The following WDR25 variants were observed in gnomAD, a reference collection of about 807,000 sequenced individuals.
WDR25 encodes the protein WD repeat-containing protein 25.
WDR25 carries 35 observed loss-of-function variants against 47.7 expected under a neutral mutation model. The ratio of observed to expected loss-of-function variants is 0.73; its 90% CI spans 0.56 to 0.97. The LOEUF is 0.97. Among genes scored for constraint, WDR25 ranks in the 50% least tolerant of loss-of-function variants. The pLI, the probability that WDR25 is intolerant of heterozygous loss-of-function variation, is 0.00. For missense variants in WDR25, 634 were observed against 704.7 expected, an observed-to-expected ratio of 0.90 and a Z score of 1.14; for synonymous variants, 248 against 278.9, an observed-to-expected ratio of 0.89 and a Z score of 1.10.
chr14:100,521,732 T>C (rs2029881510), intron 4 of WDR25, among the ~76,000 whole-genome samples: 1 of 152,218 alleles, frequency 6.6e-6, no homozygotes, highest in South Asian at 2.1e-4. Context: ...TGTGCTTATA[T>C]CTCTTTGGGA....
chr14:100,528,704 G>T (rs901838793), intron 5 of WDR25, among the ~76,000 whole-genome samples: 6 of 152,168 alleles, frequency 3.9e-5, no homozygotes, highest in African/African-American at 9.7e-5. Context: ...ACAGGTTTCA[G>T]GAATTAGAAC....
chr14:100,418,808 C>T lies in WDR25; in HGVS notation c.822+37062C>T, dbSNP rs182517346. On this transcript the variant is annotated intron_variant, in intron 2 of 6. Coordinates refer to ENST00000402312, the MANE Select transcript of WDR25 (RefSeq NM_001161476.3). ...CACGCCACACCTACTCCGGGAGGGA[C>T]CTGGCATTGGACTCAGGTTGCCAGG... 3.9e-3 allele frequency among the ~76,000 whole-genome samples: 598 copies of T among 152,068 alleles called. 2 individuals are homozygous for T. The highest frequency in any genetic ancestry group is 0.014 in the Middle Eastern group (4 of 294).
chr14:100,423,804 G>C (rs964202929), intron 2 of WDR25, among the ~76,000 whole-genome samples: 3 of 152,202 alleles, frequency 2.0e-5, no homozygotes, highest in Non-Finnish European at 4.4e-5. Flanking sequence ...ATGAGATCTT[G>C]TCTGTGCACT....
chr14:100,503,411 G>A (rs1280748658), intron 4 of WDR25, among the ~76,000 whole-genome samples: 2 of 152,138 alleles, frequency 1.3e-5, no homozygotes, highest in Non-Finnish European at 2.9e-5. Flanking sequence ...TTTAGAGAGA[G>A]GGGTGTCTTG....
intron 4 of WDR25, among the ~76,000 whole-genome samples, chr14:100,520,461 T>C (rs1490186427): frequency 1.3e-5 from 2 of 152,188 alleles, no homozygotes; most frequent in Admixed American, 6.5e-5. Flanking sequence ...TTGTTCACAG[T>C]GTATATCTAA....
intron 3 of WDR25, among the ~76,000 whole-genome samples, chr14:100,483,558 C>T (rs1361254090): frequency 1.3e-5 from 2 of 152,156 alleles, no homozygotes; most frequent in Non-Finnish European, 2.9e-5. Context: ...TTAGAACAAT[C>T]CTGTTTTTGG....
intron 2 of WDR25, among the ~76,000 whole-genome samples, chr14:100,467,431 C>T (rs1205949931): frequency 2.6e-5 from 4 of 152,164 alleles, no homozygotes; most frequent in Middle Eastern, 3.2e-3. Context: ...GACTCCCACC[C>T]GGCTGCAGGG....
intron 2 of WDR25, among the ~76,000 whole-genome samples, chr14:100,408,598 C>T (rs376445737): frequency 1.3e-5 from 2 of 152,036 alleles, no homozygotes. Context: ...TGAATATTTA[C>T]GCAGGCAGGC....
chr14:100,388,824 G>A (rs1294516899), intron 2 of WDR25, among the ~76,000 whole-genome samples: 1 of 152,158 alleles, frequency 6.6e-6, no homozygotes, highest in Non-Finnish European at 1.5e-5. Context: ...GTGTACCAAG[G>A]GCGGGGCCTT....
At chr14:100,512,672 C>G (rs1901347536) in intron 4 of WDR25, among the ~76,000 whole-genome samples, 1 of 152,118 alleles carries the variant, frequency 6.6e-6, no homozygotes, top group Non-Finnish European at 1.5e-5. Flanking sequence ...AAAGTGTAAG[C>G]TGAGGTCATA....
At position 100,430,102 on chromosome 14, in the gene WDR25, G is replaced by A. The variant is rs1040240255; in HGVS notation, c.823-37919G>A. On this transcript the variant is annotated intron_variant, in intron 2 of 6. Coordinates refer to ENST00000402312, the MANE Select transcript of WDR25 (RefSeq NM_001161476.3). The surrounding 1 kb of genome is among the most constrained non-coding windows in gnomAD (Gnocchi z 4.7). ...CTGAAAGGTTCCAGAAAGATGAGATGGACTTGGCCCCAGAGGCTCTAGGCA... is the reference window on the plus strand; with the variant it reads ...CTGAAAGGTTCCAGAAAGATGAGATAGACTTGGCCCCAGAGGCTCTAGGCA... 6.6e-6 allele frequency among the ~76,000 whole-genome samples: 1 copy of A among 151,974 alleles called. No individual in the cohort carries two copies. Among genetic ancestry groups the A allele is most frequent in the Admixed American group, 6.6e-5 (1 of 15,254 alleles).
intron 3 of WDR25, among the ~76,000 whole-genome samples, chr14:100,472,389 C>A (rs1007022872): frequency 3.9e-5 from 6 of 152,248 alleles, no homozygotes; most frequent in African/African-American, 1.4e-4. Flanking sequence ...TCTGCCTCCC[C>A]GAACCAGGCC....
intron 2 of WDR25, among the ~76,000 whole-genome samples, chr14:100,388,728 AG>A (rs1897073538): frequency 6.6e-6 from 1 of 152,244 alleles, no homozygotes; most frequent in Non-Finnish European, 1.5e-5. Context: ...TGGGTTGAAG[AG>A]GAATAAGAAA....
At chr14:100,454,506 T>C (rs1404957529) in intron 2 of WDR25, 1 of 1,199,546 alleles carries the variant, frequency 8.3e-7, no homozygotes, top group Non-Finnish European at 1.1e-6. Flanking sequence ...AGCTAACAAC[T>C]ATAAACTGTA....
At chr14:100,435,387 T>C (rs1898470284) in intron 2 of WDR25, among the ~76,000 whole-genome samples, 1 of 152,256 alleles carries the variant, frequency 6.6e-6, no homozygotes, top group African/African-American at 2.4e-5. Flanking sequence ...GCTTTCCTTA[T>C]CATTCTTTTA....
At chr14:100,405,620 C>G (rs1162071600) in intron 2 of WDR25, among the ~76,000 whole-genome samples, 3 of 152,228 alleles carry the variant, frequency 2.0e-5, no homozygotes, top group Non-Finnish European at 4.4e-5. Flanking sequence ...TGTTTGGGAG[C>G]CTGCTTGGAG....
chr14:100,453,331 A>G (rs1371768000), intron 2 of WDR25, among the ~76,000 whole-genome samples: 1 of 152,098 alleles, frequency 6.6e-6, no homozygotes, highest in Non-Finnish European at 1.5e-5. Flanking sequence ...TGCCTGCCCC[A>G]CCTCTCACAG....
At chr14:100,518,491 G>T (rs1221607189) in intron 4 of WDR25, among the ~76,000 whole-genome samples, 1 of 151,404 alleles carries the variant, frequency 6.6e-6, no homozygotes, top group Admixed American at 6.6e-5. Context: ...CCTCTTTGTG[G>T]TTGCAGAGTC....
intron 4 of WDR25, among the ~76,000 whole-genome samples, chr14:100,485,680 A>G (rs1900360101): frequency 6.6e-6 from 1 of 152,182 alleles, no homozygotes; most frequent in South Asian, 2.1e-4. Flanking sequence ...GTCCAAGCAG[A>G]TATGTCCTGA....
Sources: allele counts gnomAD v4.1 joint callset (sites outside exome capture counted in the v4.1 genomes callset), GRCh38; gene constraint gnomAD v4.1.1; non-coding constraint Gnocchi (gnomAD v3.1); transcripts MANE v1.5; gene names NCBI Gene and HGNC (gene_info 2026-07-23, HGNC 2026-07-21).